COLGALT1: variants seen among roughly 807,000 people sequenced by gnomAD.
The protein encoded by COLGALT1 is procollagen galactosyltransferase 1.
In COLGALT1, 43 loss-of-function variants were observed where a neutral mutation model predicts 60.8. The ratio of observed to expected loss-of-function variants is 0.71; its 90% CI spans 0.55 to 0.91. The LOEUF (loss-of-function observed/expected upper bound fraction) is 0.91. Ranked by LOEUF, COLGALT1 falls within the 40% of genes least tolerant of loss-of-function variation. The pLI is 0.00. For missense variants in COLGALT1, 845 were observed against 880.0 expected, an observed-to-expected ratio of 0.96 and a Z score of 0.50; for synonymous variants, 369 against 374.2, an observed-to-expected ratio of 0.99 and a Z score of 0.16.
At chr19:17,562,889 G>A (rs2076257636) in intron 3 of COLGALT1, among the ~76,000 whole-genome samples, 1 of 152,120 alleles carries the variant, frequency 6.6e-6, no homozygotes, top group Non-Finnish European at 1.5e-5. Flanking sequence ...TGGAGCTCCT[G>A]AGGGGACCCT....
intron 5 of COLGALT1, chr19:17,571,842 T>A (rs920692444): frequency 2.0e-5 from 3 of 151,540 alleles, no homozygotes; most frequent in African/African-American, 7.3e-5. Flanking sequence ...TTTTTACTGT[T>A]TTTTTTTTGG....
chr19:17,567,571 T>G (rs778071128), intron 4 of COLGALT1, 31 bp downstream of exon 4: 1 of 1,604,124 alleles, frequency 6.2e-7, no homozygotes, highest in Non-Finnish European at 8.5e-7. Context: ...CTGTGGGGAC[T>G]GGGCTGAGCA....
In COLGALT1 at chr19:17,581,777, G is replaced by A. The variant is rs775658803; in HGVS notation, c.*333G>A. On this transcript the variant is annotated 3_prime_UTR_variant, in exon 12 of 12. Coordinates refer to ENST00000252599, the MANE Select transcript of COLGALT1 (RefSeq NM_024656.4). ...AGGCATAATTGTTCCCTCCATCAGCGATTGATTCAGTCATCAAGCAGTTAC... is the reference window on the plus strand; with the variant it reads ...AGGCATAATTGTTCCCTCCATCAGCAATTGATTCAGTCATCAAGCAGTTAC... 1.8e-4 allele frequency: 64 copies of A among 353,690 alleles called. No individual in the cohort carries two copies. Among genetic ancestry groups the A allele is most frequent in the Non-Finnish European group, 2.5e-4 (48 of 190,800 alleles). 21.9% of individuals were successfully genotyped at this position (353,690 alleles called of 1,614,324 possible).
At chr19:17,580,599 C>A in intron 10 of COLGALT1, 100 bp from the exon 11 acceptor site, 1 of 1,153,888 alleles carries the variant, frequency 8.7e-7, no homozygotes. Flanking sequence ...TGAGCCTGCT[C>A]CCATCCCAGG....
At chr19:17,560,527 G>A (rs964728470) in intron 3 of COLGALT1, 62 bp downstream of exon 3, 20 of 1,320,038 alleles carry the variant, frequency 1.5e-5, no homozygotes, top group Middle Eastern at 1.8e-4. Flanking sequence ...CAGGGAAGGC[G>A]GAGCAGCAGG....
chr19:17,561,491 G>C (rs1313519409), intron 3 of COLGALT1, among the ~76,000 whole-genome samples: 1 of 151,856 alleles, frequency 6.6e-6, no homozygotes, highest in Non-Finnish European at 1.5e-5. Flanking sequence ...ACATTGAATT[G>C]CTGAGGCCTG....
At position 17,555,892 on chromosome 19, in the gene COLGALT1, C is replaced by A; in HGVS notation, c.179C>A (p.Ala60Glu). 7.2e-7 allele frequency: 1 copy of A among 1,394,310 alleles called. No homozygotes were observed. The highest frequency in any genetic ancestry group is 9.3e-7 in the Non-Finnish European group (1 of 1,072,662). 86.4% of individuals were successfully genotyped at this position (1,394,310 alleles called of 1,614,324 possible). The change falls in exon 1 of 12, where the codon GCG becomes GAG. Residue 60 changes from alanine to glutamate, a missense_variant. Transcript: ENST00000252599. Reference sequence around the variant, plus strand: ...CCGCGCGTGCTCATCGCGCTGTTGGCGCGAAACGCGGCCCACGCGTTGCCC... The same window carrying A: ...CCGCGCGTGCTCATCGCGCTGTTGGAGCGAAACGCGGCCCACGCGTTGCCC... Reference protein sequence around the residue: ...QAPRVLIALLARNAAHALPTT... With the variant: ...QAPRVLIALLERNAAHALPTT...
At chr19:17,564,323 GTATA>G (rs781020147) in intron 3 of COLGALT1, among the ~76,000 whole-genome samples, 17 of 149,270 alleles carry the variant, frequency 1.1e-4, no homozygotes, top group East Asian at 1.9e-4. Flanking sequence ...ACGTGTATAT[GTATA>G]TATATCTATA....
At chr19:17,581,008 T>C in intron 11 of COLGALT1, 103 bp downstream of exon 11, 1 of 1,456,118 alleles carries the variant, frequency 6.9e-7, no homozygotes, top group Non-Finnish European at 9.5e-7. Flanking sequence ...TCTCTTCTTT[T>C]GCCTACTTCT....
intron 3 of COLGALT1, among the ~76,000 whole-genome samples, chr19:17,563,495 G>A (rs980828520): frequency 2.4e-4 from 37 of 151,696 alleles, no homozygotes; most frequent in Middle Eastern, 3.4e-3. Flanking sequence ...GACTACAGGC[G>A]CCCGCCACAA....
At chr19:17,580,274 A>T in intron 10 of COLGALT1, 1 of 219,492 alleles carries the variant, frequency 4.6e-6, no homozygotes. Context: ...CCCTTCCTCC[A>T]TCTCTTTTTT....
chr19:17,581,074 G>A (rs992449032), intron 11 of COLGALT1, 103 bp from the exon 12 acceptor site: 83 of 1,438,284 alleles, frequency 5.8e-5, no homozygotes, highest in Non-Finnish European at 6.6e-5. Context: ...GCACACTTAC[G>A]TTTTAATCTG....
At chr19:17,581,151 C>G (rs1296088648) in intron 11 of COLGALT1, 26 bp from the exon 12 acceptor site, 1 of 1,599,490 alleles carries the variant, frequency 6.3e-7, no homozygotes, top group Middle Eastern at 1.7e-4. Context: ...CATTGCTGCC[C>G]CTCACTCCCC....
chr19:17,566,123 G>A (rs2076278445), intron 3 of COLGALT1: 4 of 152,086 alleles, frequency 2.6e-5, no homozygotes, highest in Admixed American at 2.6e-4. Flanking sequence ...CCAGCACTTT[G>A]GGAGGCCGAG....
intron 2 of COLGALT1, 107 bp from the exon 3 acceptor site, chr19:17,560,241 G>A (rs2076240169): frequency 4.0e-6 from 3 of 741,342 alleles, no homozygotes; most frequent in South Asian, 3.0e-5. Flanking sequence ...CAGCTTACAC[G>A]TCCCCTCCTC....
At chr19:17,564,413 CTTTTTTTTTTTTTTT>C (rs71162155) in intron 3 of COLGALT1, among the ~76,000 whole-genome samples, 2 of 104,190 alleles carry the variant, frequency 1.9e-5, no homozygotes, top group Non-Finnish European at 3.9e-5. Context: ...AAAACATCTA[CTTTTTTTTTTTTTTT>C]TTTTTTGAGA....
At chr19:17,572,378 A>C (rs2076317888) in intron 5 of COLGALT1, 105 bp from the exon 6 acceptor site, 2 of 1,562,514 alleles carry the variant, frequency 1.3e-6, no homozygotes, top group South Asian at 2.3e-5. Context: ...ACCTGACCTC[A>C]AGCGATCCTC....
intron 5 of COLGALT1, among the ~76,000 whole-genome samples, chr19:17,569,320 CAA>C (rs1371978416): frequency 2.0e-5 from 3 of 152,074 alleles, no homozygotes; most frequent in South Asian, 4.1e-4. Flanking sequence ...AGTGGTGAGT[CAA>C]GAGATTTTAG....
At position 17,580,063 on chromosome 19, in the gene COLGALT1, T is replaced by C. The variant is rs1209605988; in HGVS notation, c.1394+454T>C. The C allele has an allele frequency of 2.2e-5, 4 of 185,532 alleles. No homozygotes were observed. In the East Asian group the frequency reaches 4.0e-4, roughly 18 times the overall value. 11.5% of individuals were successfully genotyped at this position (185,532 alleles called of 1,614,324 possible). A position where few individuals can be genotyped will look rare whatever the true frequency, so the allele number is the denominator to read the frequency against. On this transcript the variant is annotated intron_variant, in intron 10 of 11. Coordinates refer to ENST00000252599, the MANE Select transcript of COLGALT1 (RefSeq NM_024656.4). Reference sequence around the variant, plus strand: ...CTTGACTGAGGCCTGTGGAGGTGGATGTGGCTAAAATTTGACCGGGCAGCC... The same window carrying C: ...CTTGACTGAGGCCTGTGGAGGTGGACGTGGCTAAAATTTGACCGGGCAGCC...
Sources: gnomAD v4.1 joint callset for allele counts (sites outside exome capture counted in the v4.1 genomes callset) on GRCh38, gnomAD v4.1.1 for gene constraint, MANE v1.5 for transcripts, NCBI Gene and HGNC (gene_info 2026-07-23, HGNC 2026-07-21) for gene names.